The following SLC14A2 variants were observed in gnomAD, a reference collection of about 807,000 sequenced individuals.
SLC14A2 encodes the protein solute carrier family 14 member 2.
A neutral mutation model predicts 104.6 loss-of-function variants in SLC14A2; 91 were observed. The ratio of observed to expected loss-of-function variants is 0.87; its 90% CI spans 0.73 to 1.04. The LOEUF (loss-of-function observed/expected upper bound fraction) is 1.04, where lower values mean the gene tolerates loss of function less well. Among genes scored for constraint, SLC14A2 ranks in the 50% least tolerant of loss-of-function variants. The probability of loss-of-function intolerance (pLI) is 0.00; values close to 1 mark genes in which losing one functional copy is unlikely to be tolerated. For synonymous variants in SLC14A2, 476 were observed against 466.4 expected (o/e 1.02, Z -0.27); for missense variants, 1,189 against 1,156.0 (o/e 1.03, Z -0.41).
chr18:45,474,042 G>A (rs772503793), intron 1 of SLC14A2, among the ~76,000 whole-genome samples: 11 of 152,138 alleles, frequency 7.2e-5, no homozygotes, highest in Non-Finnish European at 8.8e-5. Flanking sequence ...AATATTTTGA[G>A]ATACATTCCA....
At chr18:45,173,866 C>T in the SLC14A2 span, among the ~76,000 whole-genome samples, 2 of 152,016 alleles carry the variant, frequency 1.3e-5, no homozygotes, top group Non-Finnish European at 2.9e-5. Flanking sequence ...CTGCATTTTG[C>T]ACAAGAGGAA....
In SLC14A2 at chr18:45,564,679, G is replaced by A. The variant is rs2044243572; in HGVS notation, c.-34-59952G>A. On this transcript the variant is annotated intron_variant, in intron 2 of 20. Coordinates refer to the SLC14A2 transcript ENST00000586448. ...ACAATGGTTTTAAGAGATTATAGTT[G>A]AAATATCTCACTTTTGCCAGCTACA... Among the ~76,000 whole-genome samples the A allele has an allele frequency of 3.9e-5, 6 of 152,170 alleles. 1 individual carries two copies. The South Asian group carries it at 1.2e-3, about 31-fold the overall frequency.
Position 45,638,089 on chromosome 18 carries a change from G to A in SLC14A2, c.843+907G>A, listed in dbSNP as rs113276945. Among the ~76,000 whole-genome samples the A allele has an allele frequency of 1.6e-3, 240 of 152,216 alleles. 2 individuals are homozygous for A. The highest frequency in any genetic ancestry group is 6.8e-3 in the Middle Eastern group (2 of 294). On this transcript the variant is annotated intron_variant, in intron 6 of 19. Transcript: ENST00000255226. ...GCTTGGGCTTAAAATCTGCGTTCCC[G>A]GATGGAAAGGTGGACGTGAACTCCC...
chr18:45,231,500 C>T (rs1187684481), intron 1 of SLC14A2, among the ~76,000 whole-genome samples: 2 of 152,218 alleles, frequency 1.3e-5, no homozygotes, highest in Admixed American at 6.5e-5. Context: ...TGAGCCACTA[C>T]ACCCCTCCCA....
chr18:45,672,986 C>A lies in SLC14A2; in HGVS notation c.2316C>A (p.Phe772Leu), dbSNP rs1274910023. The A allele has an allele frequency of 1.2e-6, 2 of 1,614,144 alleles. No homozygotes were observed. Among genetic ancestry groups the A allele is most frequent in the African/African-American group, 2.7e-5 (2 of 75,038 alleles). ...GAGGCATCTTCCTCATAGCTCTGTT[C>A]ATATCCTCACCTCTCATTTGCTTGC... ...WTGGIFLIAL[F>L]ISSPLICLHA... Residue 772 changes from phenylalanine to leucine, a missense_variant, in exon 17 of 20, where the codon TTC (phenylalanine) becomes TTA (leucine). Coordinates refer to ENST00000255226, the MANE Select transcript of SLC14A2 (RefSeq NM_007163.4).
At chr18:45,226,934 T>A (rs2084124786) in intron 1 of SLC14A2, among the ~76,000 whole-genome samples, 1 of 152,142 alleles carries the variant, frequency 6.6e-6, no homozygotes, top group Non-Finnish European at 1.5e-5. Flanking sequence ...TGGCACACAC[T>A]CAACAGCTCA....
intron 2 of SLC14A2, among the ~76,000 whole-genome samples, chr18:45,560,181 C>T (rs2144308268): frequency 6.6e-6 from 1 of 152,324 alleles, no homozygotes; most frequent in East Asian, 1.9e-4. Flanking sequence ...GGATAGCACC[C>T]AGTGGTTGTT....
In SLC14A2 at chr18:45,599,715, A is replaced by G. The variant is rs1349641731; in HGVS notation, c.-34-24916A>G. Among the ~76,000 whole-genome samples the G allele has an allele frequency of 2.0e-5, 3 of 152,218 alleles. No homozygotes were observed. In the East Asian group the frequency reaches 5.8e-4, roughly 29 times the overall value. ...ATTAGTCTGTTCTCACACTACTGAT[A>G]AAGATATACCTGAGACTGGGCAATT... is the stretch of plus-strand genomic sequence containing the variant. On this transcript the variant is annotated intron_variant, in intron 2 of 20. Transcript: ENST00000586448.
chr18:45,607,154 G>C (rs1010683841), intron 2 of SLC14A2, among the ~76,000 whole-genome samples: 1 of 151,952 alleles, frequency 6.6e-6, no homozygotes, highest in Non-Finnish European at 1.5e-5. Flanking sequence ...GTACTTCTTG[G>C]GTATGTCCCC....
At chr18:45,289,089 A>G (rs912327389) in intron 1 of SLC14A2, among the ~76,000 whole-genome samples, 1 of 152,128 alleles carries the variant, frequency 6.6e-6, no homozygotes, top group Non-Finnish European at 1.5e-5. Flanking sequence ...CCACCTCAAC[A>G]AGAACAGCCA....
intron 1 of SLC14A2, among the ~76,000 whole-genome samples, chr18:45,378,672 T>C (rs2085801059): frequency 6.6e-6 from 1 of 152,232 alleles, no homozygotes; most frequent in Non-Finnish European, 1.5e-5. Context: ...TGGAACTCTA[T>C]GAGAGGAGGG....
intron 6 of SLC14A2, among the ~76,000 whole-genome samples, 189 bp downstream of exon 6, chr18:45,637,371 T>C (rs1295311706): frequency 6.6e-6 from 1 of 152,232 alleles, no homozygotes; most frequent in African/African-American, 2.4e-5. Context: ...TTATTGAGCA[T>C]GTAACATGGC....
chr18:45,182,525 G>A, the SLC14A2 span, among the ~76,000 whole-genome samples: 1 of 151,740 alleles, frequency 6.6e-6, no homozygotes, highest in East Asian at 1.9e-4. Context: ...AATATAAAAA[G>A]TAATTAGTAA....
intron 1 of SLC14A2, among the ~76,000 whole-genome samples, chr18:45,329,032 A>C (rs2085263983): frequency 6.6e-6 from 1 of 152,220 alleles, no homozygotes; most frequent in African/African-American, 2.4e-5. Flanking sequence ...AGCTGGAGAA[A>C]ACTGTGAAAT....
intron 2 of SLC14A2, among the ~76,000 whole-genome samples, chr18:45,588,896 G>A (rs1400378252): frequency 6.6e-6 from 1 of 152,114 alleles, no homozygotes; most frequent in Non-Finnish European, 1.5e-5. Flanking sequence ...TTGAAGCAAG[G>A]GAGTTACAGG....
chr18:45,389,003 G>A lies in SLC14A2; in HGVS notation c.-124-94230G>A, dbSNP rs138153924. The stretch of plus-strand genomic sequence containing the variant: ...AAATATGTGCATAAAAATAGAGACA[G>A]TAATCTGGCATGGATGAGAATTTGC... On this transcript the variant is annotated intron_variant, in intron 1 of 20. Transcript: ENST00000586448. Among the ~76,000 whole-genome samples, 602 of 152,296 alleles carry A rather than the reference G, an allele frequency of 4.0e-3. 3 individuals are homozygous for A. Among genetic ancestry groups the A allele is most frequent in the Non-Finnish European group, 5.1e-3 (345 of 68,018 alleles).
rs145461835 is a variant in SLC14A2 at position 45,234,808 on chromosome 18, A to T, written c.-125+21617A>T. Among the ~76,000 whole-genome samples the T allele has an allele frequency of 4.1e-4, 62 of 152,240 alleles. No homozygotes were observed. In the East Asian group the frequency reaches 0.012, roughly 29 times the overall value. On this transcript the variant is annotated intron_variant, in intron 1 of 20. Coordinates refer to the SLC14A2 transcript ENST00000586448. ...CTATTTCTAATGGGATGAATTATTTATATAGCAGCATTTTGTTTTTATTAT... is the reference window on the plus strand; with the variant it reads ...CTATTTCTAATGGGATGAATTATTTTTATAGCAGCATTTTGTTTTTATTAT...
intron 1 of SLC14A2, among the ~76,000 whole-genome samples, chr18:45,303,723 A>G (rs2084990138): frequency 6.6e-6 from 1 of 152,246 alleles, no homozygotes; most frequent in Non-Finnish European, 1.5e-5. Flanking sequence ...GGCCAGTTGA[A>G]CAGGTGGATC....
Position 45,266,139 on chromosome 18 carries a change from G to A in SLC14A2, c.-125+52948G>A, listed in dbSNP as rs1158389201. ...GGTGATCTTGACTTGAGACCTACAG[G>A]AAGGATGGAGGTCATTGATGCCTGC... is the stretch of plus-strand genomic sequence containing the variant. On this transcript the variant is annotated intron_variant, in intron 1 of 20. Transcript: ENST00000586448. 2.6e-5 allele frequency among the ~76,000 whole-genome samples: 4 copies of A among 152,128 alleles called. No individual in the cohort carries two copies. In the South Asian group the frequency reaches 8.3e-4, roughly 32 times the overall value.
Sources: allele counts gnomAD v4.1 joint callset (sites outside exome capture counted in the v4.1 genomes callset), GRCh38; gene constraint gnomAD v4.1.1; transcripts MANE v1.5; gene names NCBI Gene and HGNC (gene_info 2026-07-23, HGNC 2026-07-21).